PPP1CB: variants seen among roughly 807,000 people sequenced by gnomAD.
PPP1CB encodes the protein protein phosphatase 1 catalytic subunit beta.
Under a neutral mutation model 43.7 loss-of-function variants are expected in PPP1CB, and 2 were observed. The observed-to-expected ratio is 0.05, with a 90% CI of 0.02 to 0.14. PPP1CB has a LOEUF of 0.14. Among genes scored for constraint, PPP1CB ranks in the 10% least tolerant of loss-of-function variants. The probability of loss-of-function intolerance (pLI) is 1.00; values close to 1 mark genes in which losing one functional copy is unlikely to be tolerated. For synonymous variants in PPP1CB, 136 were observed against 135.6 expected, an observed-to-expected ratio of 1.00 and a Z score of -0.02; for missense variants, 84 against 398.0, an observed-to-expected ratio of 0.21 and a Z score of 6.71.
chr2:28,781,933 C>A, intron 4 of PPP1CB, 91 bp downstream of exon 4: 1 of 883,512 alleles, frequency 1.1e-6, no homozygotes, highest in Non-Finnish European at 1.9e-6. Context: ...GAAAACAAAG[C>A]AGTGCTTGTA....
At chr2:28,777,213 A>C (rs1024743207) in intron 2 of PPP1CB, 12 of 255,532 alleles carry the variant, frequency 4.7e-5, no homozygotes, top group African/African-American at 2.2e-4. Context: ...ATATATAAAG[A>C]GTTCTTATAA....
intron 1 of PPP1CB, among the ~76,000 whole-genome samples, chr2:28,765,237 G>C (rs559340964): frequency 2.0e-5 from 3 of 152,180 alleles, no homozygotes; most frequent in Non-Finnish European, 2.9e-5. Context: ...GAGATTCAAA[G>C]TTAATGTTCT....
At chr2:28,752,561 T>A (rs1213398363) in intron 1 of PPP1CB, among the ~76,000 whole-genome samples, 1 of 152,204 alleles carries the variant, frequency 6.6e-6, no homozygotes, top group Admixed American at 6.5e-5. Flanking sequence ...GCTTTGTGCG[T>A]CCGTGGAATC....
chr2:28,767,030 G>A (rs1216158206), intron 1 of PPP1CB, among the ~76,000 whole-genome samples: 4 of 150,238 alleles, frequency 2.7e-5, no homozygotes, highest in African/African-American at 7.4e-5. Flanking sequence ...GCAGTGAGCC[G>A]AGATCACACC....
intron 1 of PPP1CB, among the ~76,000 whole-genome samples, chr2:28,766,425 TC>T (rs1238277713): frequency 6.6e-6 from 1 of 152,230 alleles, no homozygotes; most frequent in African/African-American, 2.4e-5. Flanking sequence ...ACTTCAAACA[TC>T]CTACATTTTC....
At chr2:28,754,392 A>G (rs1666431307) in intron 1 of PPP1CB, among the ~76,000 whole-genome samples, 1 of 151,750 alleles carries the variant, frequency 6.6e-6, no homozygotes, top group Admixed American at 6.6e-5. Context: ...TTTCTCTCTT[A>G]ATTTAGCAAG....
intron 4 of PPP1CB, chr2:28,782,997 A>G (rs1049209440): frequency 6.6e-6 from 1 of 152,354 alleles, no homozygotes; most frequent in South Asian, 2.1e-4. Flanking sequence ...GTGTAGCAGT[A>G]TGGATACGAA....
Position 28,763,758 on chromosome 2 carries a change from G to A in PPP1CB, c.52+11582G>A, listed in dbSNP as rs1488105851. ...CTCACTTTGTCACCCAGGCTGGAGT[G>A]CAGTGGCACCATCTCAGCTCACTGC... On this transcript the variant is annotated intron_variant, in intron 1 of 7. Coordinates refer to ENST00000395366, the MANE Select transcript of PPP1CB (RefSeq NM_002709.3). 1.3e-5 allele frequency among the ~76,000 whole-genome samples: 2 copies of A among 152,182 alleles called. 1 individual carries two copies. The highest frequency in any genetic ancestry group is 4.1e-4 in the South Asian group (2 of 4,836).
intron 1 of PPP1CB, among the ~76,000 whole-genome samples, chr2:28,771,163 C>T (rs556266679): frequency 1.8e-4 from 27 of 150,520 alleles, no homozygotes; most frequent in African/African-American, 6.1e-4. Flanking sequence ...AAGCGATTCT[C>T]CTGCCTCAGC....
intron 5 of PPP1CB, among the ~76,000 whole-genome samples, chr2:28,787,308 A>C (rs889994850): frequency 6.6e-6 from 1 of 152,018 alleles, no homozygotes; most frequent in Non-Finnish European, 1.5e-5. Flanking sequence ...AAATACAAAA[A>C]ATTAGCCGGG....
intron 7 of PPP1CB, among the ~76,000 whole-genome samples, chr2:28,796,691 T>C (rs531040540): frequency 6.6e-6 from 1 of 152,132 alleles, no homozygotes; most frequent in Non-Finnish European, 1.5e-5. Context: ...GTCTATGGGG[T>C]TTTCTGTGTA....
chr2:28,797,300 G>A (rs1012475992), intron 7 of PPP1CB, among the ~76,000 whole-genome samples: 1 of 152,128 alleles, frequency 6.6e-6, no homozygotes, highest in African/African-American at 2.4e-5. Flanking sequence ...AGTTAGGGGG[G>A]AGGTCCTCTT....
intron 7 of PPP1CB, among the ~76,000 whole-genome samples, chr2:28,795,440 A>G (rs899988739): frequency 6.6e-6 from 1 of 152,226 alleles, no homozygotes; most frequent in Non-Finnish European, 1.5e-5. Flanking sequence ...TCCCACCAGC[A>G]ATGTTTGAAC....
intron 2 of PPP1CB, 55 bp downstream of exon 2, chr2:28,777,037 A>G (rs1040530511): frequency 7.4e-5 from 116 of 1,573,182 alleles, no homozygotes; most frequent in Non-Finnish European, 9.7e-5. Context: ...TTTTCCTCCC[A>G]TGTTTAAGAT....
At chr2:28,788,226 T>G (rs1020651292) in intron 5 of PPP1CB, among the ~76,000 whole-genome samples, 2 of 152,198 alleles carry the variant, frequency 1.3e-5, no homozygotes, top group African/African-American at 2.4e-5. Flanking sequence ...AGTCTGTTAT[T>G]GGCTCAGGGA....
rs1172966579 is a variant in PPP1CB, at chr2:28,802,443, T to A, written c.*3140T>A. On this transcript the variant is annotated 3_prime_UTR_variant, in exon 8 of 8. Coordinates refer to ENST00000395366, the MANE Select transcript of PPP1CB (RefSeq NM_002709.3). ...TCCATGGCTAAATCAAAGCTGCCCC[T>A]GAGAAGAGACTTAATCCAAGCCTGA... The A allele has an allele frequency of 6.6e-6, 1 of 152,218 alleles. No homozygotes were observed. The highest frequency in any genetic ancestry group is 6.5e-5 in the Admixed American group (1 of 15,278). The allele number at this position is 152,218 out of a possible 1,614,324, so 9.4% of individuals were successfully genotyped here. A position where few individuals can be genotyped will look rare whatever the true frequency, so the allele number is the denominator to read the frequency against.
At chr2:28,790,459 C>G (rs987738533) in intron 6 of PPP1CB, among the ~76,000 whole-genome samples, 2 of 152,114 alleles carry the variant, frequency 1.3e-5, no homozygotes, top group Non-Finnish European at 2.9e-5. Flanking sequence ...CCTGCCTCAG[C>G]CTCCCGAGTA....
In PPP1CB at chr2:28,793,951, C is replaced by G. The variant is rs1667442442; in HGVS notation, c.833C>G (p.Ala278Gly). Residue 278 changes from alanine to glycine, a missense_variant, in exon 7 of 8, where the codon GCT (alanine) becomes GGT (glycine). Physicochemically the swap from Ala to Gly is moderately conservative, Grantham distance 60 (BLOSUM62 0). Transcript: ENST00000395366. ...APNYCGEFDN[A>G]GGMMSVDETL... is the part of the protein sequence containing the mutation. ...AATTACTGTGGCGAGTTTGATAATGCTGGTGGAATGATGAGTGTGGATGAA... is the reference window on the plus strand; with the variant it reads ...AATTACTGTGGCGAGTTTGATAATGGTGGTGGAATGATGAGTGTGGATGAA... 1 of 1,613,890 alleles carries G rather than the reference C, an allele frequency of 6.2e-7. No homozygotes were observed. The highest frequency in any genetic ancestry group is 8.5e-7 in the Non-Finnish European group (1 of 1,179,960).
chr2:28,775,070 A>G (rs10191120), intron 1 of PPP1CB, among the ~76,000 whole-genome samples: 20,156 of 151,606 alleles, frequency 0.13, 1,750 homozygotes, highest in African/African-American at 0.24. Flanking sequence ...TATTGACCTG[A>G]CAAAGGAATC....
Sources: gnomAD v4.1 joint callset for allele counts (sites outside exome capture counted in the v4.1 genomes callset) on GRCh38, gnomAD v4.1.1 for gene constraint, MANE v1.5 for transcripts, NCBI Gene and HGNC (gene_info 2026-07-23, HGNC 2026-07-21) for gene names.